The following ZNF750 variants were observed in gnomAD, a reference collection of about 807,000 sequenced individuals.
ZNF750 encodes the protein protein ZNF750.
A neutral mutation model predicts 31.6 loss-of-function variants in ZNF750; 10 were observed. The ratio of observed to expected loss-of-function variants is 0.32; its 90% confidence interval spans 0.19 to 0.54. The LOEUF (loss-of-function observed/expected upper bound fraction) is 0.54, where lower values mean the gene tolerates loss of function less well. Ranked by LOEUF, ZNF750 falls within the 20% of genes least tolerant of loss-of-function variation. The probability of loss-of-function intolerance (pLI) is 0.95; values close to 1 mark genes in which losing one functional copy is unlikely to be tolerated. For missense variants in ZNF750, 914 were observed against 934.9 expected, an observed-to-expected ratio of 0.98 and a Z score of 0.29; for synonymous variants, 400 against 404.9, an observed-to-expected ratio of 0.99 and a Z score of 0.15.
At position 82,831,859 on chromosome 17, in the gene ZNF750, G is replaced by A; in HGVS notation, c.596C>T (p.Ala199Val). The A allele has an allele frequency of 1.9e-6, 3 of 1,614,206 alleles. No homozygotes were observed. The highest frequency in any genetic ancestry group is 2.5e-6 in the Non-Finnish European group (3 of 1,180,024). The stretch of plus-strand genomic sequence containing the variant: ...CCAGGGGTAGCCAGGAGTGTGGAAG[G>A]CCGACTTGGTGTGGAAAGACACGGC... ...AKAVSFHTKS[A>V]FHTPGYPWKA... is the part of the protein sequence containing the mutation. The change falls in exon 2 of 3, where the codon GCC (alanine) becomes GTC (valine). Residue 199 changes from alanine (A) to valine (V), a missense_variant. Ala to Val is a moderately conservative substitution (Grantham distance 64, BLOSUM62 0). Coordinates refer to ENST00000269394, the MANE Select transcript of ZNF750 (RefSeq NM_024702.3). The surrounding 1 kb of genome is among the most constrained non-coding windows in gnomAD (Gnocchi z 4.6).
chr17:82,831,992 C>T lies in ZNF750; in HGVS notation c.463G>A (p.Gly155Ser). 6.2e-7 allele frequency: 1 copy of T among 1,612,968 alleles called. No individual in the cohort carries two copies. The highest frequency in any genetic ancestry group is 8.5e-7 in the Non-Finnish European group (1 of 1,179,082). The change falls in exon 2 of 3, where the codon GGC (glycine) becomes AGC (serine). Residue 155 changes from glycine (G) to serine (S), a missense_variant. By Grantham distance (56) the Gly-to-Ser change is moderately conservative (BLOSUM62 0). This residue lies in a region of ZNF750 where 880 missense variants were observed against 868.9 expected (regional missense o/e 1.01). Coordinates refer to ENST00000269394, the MANE Select transcript of ZNF750 (RefSeq NM_024702.3). The surrounding 1 kb of genome is among the most constrained non-coding windows in gnomAD (Gnocchi z 4.6). The part of the protein sequence containing the change: ...AALGAQPALE[G>S]AARPSAFVPV... ...ACAAATGCAGAAGGCCGAGCTGCGC[C>T]TTCCAGAGCAGGCTGGGCACCGAGG...
Position 82,831,488 on chromosome 17 carries a change from T to C in ZNF750, c.967A>G (p.Arg323Gly). ...TAGGAGGAAAATGCAGACTCTGGCC[T>C]GTAAAATCCGTAAGGAATCGGCAGG... ...SNLPIPYGFY[R>G]PESAFSSYGL... Residue 323 changes from arginine to glycine, a missense_variant, in exon 2 of 3, where the codon AGG (arginine) becomes GGG (glycine). Coordinates refer to ENST00000269394, the MANE Select transcript of ZNF750 (RefSeq NM_024702.3). This position sits in a 1 kb window ranked among gnomAD's most constrained non-coding sequence, Gnocchi z 4.6. 1 of 1,614,150 alleles carries C rather than the reference T, an allele frequency of 6.2e-7. No individual in the cohort carries two copies. Among genetic ancestry groups the C allele is most frequent in the Non-Finnish European group, 8.5e-7 (1 of 1,180,040 alleles).
intron 2 of ZNF750, 47 bp downstream of exon 2, chr17:82,830,972 C>G: frequency 6.2e-7 from 1 of 1,613,488 alleles, no homozygotes; most frequent in African/African-American, 1.3e-5. Context: ...TCATGGAACC[C>G]AACCAGAAAC....
At chr17:82,838,929 T>C (rs1442189312) in intron 1 of ZNF750, 1 of 985,260 alleles carries the variant, frequency 1.0e-6, no homozygotes, top group Non-Finnish European at 1.2e-6. Context: ...CAGTGAAAAT[T>C]AGGGGCACAG....
Position 82,832,360 on chromosome 17 carries a change from A to T in ZNF750, c.95T>A (p.Phe32Tyr). 1 of 1,614,256 alleles carries T rather than the reference A, an allele frequency of 6.2e-7. No homozygotes were observed. The highest frequency in any genetic ancestry group is 8.5e-7 in the Non-Finnish European group (1 of 1,180,046). ...AAGATGTGACTTCTCATTGCAAGTA[A>T]AGGGACATTGGAAACATTTATACTT... ...PFKYKCFQCP[F>Y]TCNEKSHLFN... The change falls in exon 2 of 3, where the codon TTT (phenylalanine) becomes TAT (tyrosine). Residue 32 changes from phenylalanine to tyrosine, a missense_variant. By Grantham distance (22) the Phe-to-Tyr change is conservative. Coordinates refer to ENST00000269394, the MANE Select transcript of ZNF750 (RefSeq NM_024702.3). The surrounding 1 kb of genome is among the most constrained non-coding windows in gnomAD (Gnocchi z 4.9).
chr17:82,836,705 A>C (rs758876408), intron 1 of ZNF750, among the ~76,000 whole-genome samples: 1 of 148,546 alleles, frequency 6.7e-6, no homozygotes, highest in Non-Finnish European at 1.5e-5. Flanking sequence ...AAAACAAAAC[A>C]AAACAAAACC....
intron 1 of ZNF750, among the ~76,000 whole-genome samples, 196 bp downstream of exon 1, chr17:82,839,731 G>A (rs939849678): frequency 6.6e-6 from 1 of 152,224 alleles, no homozygotes; most frequent in Non-Finnish European, 1.5e-5. Flanking sequence ...AGAATAAAGT[G>A]TCAGCCTCAT....
Position 82,832,036 on chromosome 17 carries a change from C to A in ZNF750, c.419G>T (p.Ser140Ile). Residue 140 changes from serine to isoleucine, a missense_variant, in exon 2 of 3, where the codon AGC becomes ATC. Coordinates refer to ENST00000269394, the MANE Select transcript of ZNF750 (RefSeq NM_024702.3). This position sits in a 1 kb window ranked among gnomAD's most constrained non-coding sequence, Gnocchi z 4.9. ...ACCGAGGGCGGCTTCCGGAGCTGGG[C>A]TCTTGCAGGGTGATGCCCTGTGGAG... ...PALHRASPCK[S>I]PAPEAALGAQ... 1.2e-6 allele frequency: 2 copies of A among 1,612,908 alleles called. No individual in the cohort carries two copies. The highest frequency in any genetic ancestry group is 2.2e-5 in the East Asian group (1 of 44,858).
chr17:82,836,748 C>G (rs1227851491), intron 1 of ZNF750, among the ~76,000 whole-genome samples: 1 of 151,976 alleles, frequency 6.6e-6, no homozygotes, highest in African/African-American at 2.4e-5. Context: ...CCCACAAAAC[C>G]CGTGTTGGTT....
In ZNF750 at chr17:82,832,078, A is replaced by G; in HGVS notation, c.377T>C (p.Leu126Pro). 1.4e-5 allele frequency: 22 copies of G among 1,614,070 alleles called. No individual in the cohort carries two copies. Among genetic ancestry groups the G allele is most frequent in the Non-Finnish European group, 1.9e-5 (22 of 1,179,938 alleles). The part of the protein sequence containing the change: ...ELQARGTHRC[L>P]GQKPALHRAS... The stretch of plus-strand genomic sequence containing the variant: ...CCTGTGGAGGGCTGGCTTCTGTCCC[A>G]GGCACCTGTGGGTTCCCCGGGCTTG... Residue 126 changes from leucine to proline, a missense_variant, in exon 2 of 3, where the codon CTG becomes CCG. This residue lies in a region of ZNF750 where 880 missense variants were observed against 868.9 expected (regional missense o/e 1.01). Coordinates refer to ENST00000269394, the MANE Select transcript of ZNF750 (RefSeq NM_024702.3). This position sits in a 1 kb window ranked among gnomAD's most constrained non-coding sequence, Gnocchi z 4.9.
rs372531501 is a variant in ZNF750 at position 82,830,841 on chromosome 17, G to A, written c.1473C>T (p.Thr491=). 1.2e-6 allele frequency: 2 copies of A among 1,612,970 alleles called. No homozygotes were observed. The highest frequency in any genetic ancestry group is 1.3e-5 in the African/African-American group (1 of 74,884). The change falls in exon 3 of 3, where the codon ACC becomes ACT. Residue 491 remains threonine, a synonymous_variant. Transcript: ENST00000269394. ...NVVNGDPPAP[T]GSASLVSEAA... Reference sequence around the variant, plus strand: ...CCTCCGAGACGAGAGAGGCGCTTCCGGTCGGAGCAGGAGGGTCTCCGTTCA... The same window carrying A: ...CCTCCGAGACGAGAGAGGCGCTTCCAGTCGGAGCAGGAGGGTCTCCGTTCA...
Position 82,830,805 on chromosome 17 carries a change from G to C in ZNF750, c.1509C>G (p.Ser503=), listed in dbSNP as rs113712631. The C allele has an allele frequency of 6.2e-7, 1 of 1,613,546 alleles. No individual in the cohort carries two copies. The highest frequency in any genetic ancestry group is 1.3e-5 in the African/African-American group (1 of 75,066). ...CCATCCCGGAGCTGTCGTCCGGACT[G>C]GAAGGCGCGGCCTCCGAGACGAGAG... ...SASLVSEAAP[S]SPDDSSGMGP... is the part of the protein sequence containing the mutation. Residue 503 remains serine (S), a synonymous_variant, in exon 3 of 3, where the codon TCC becomes TCG. Transcript: ENST00000269394.
rs1555608221 is a variant in ZNF750 at position 82,833,948 on chromosome 17, G to GC, written c.-182-1313_-182-1312insG. Among the ~76,000 whole-genome samples the GC allele has an allele frequency of 1.3e-5, 2 of 148,262 alleles. No individual in the cohort carries two copies. Among genetic ancestry groups the GC allele is most frequent in the Non-Finnish European group, 3.0e-5 (2 of 66,994 alleles). The stretch of plus-strand genomic sequence containing the variant: ...ACGCCCAAGGCTGAGAACAAAGGCT[G>GC]TTTTTCTTTTTTTGAGACAGAGTTT... On this transcript the variant is annotated intron_variant, in intron 1 of 2. Transcript: ENST00000269394. The surrounding 1 kb of genome is among the most constrained non-coding windows in gnomAD (Gnocchi z 4.7).
rs148795232 is a variant in ZNF750, at chr17:82,835,270, G to A, written c.-182-2634C>T. ...GAGGCAGCTGTCCCTGAAGCAAGGC[G>A]CCACCCCTCCTCCCTGCACCCGTGT... On this transcript the variant is annotated intron_variant, in intron 1 of 2. Transcript: ENST00000269394. This position sits in a 1 kb window ranked among gnomAD's most constrained non-coding sequence, Gnocchi z 4.5. Among the ~76,000 whole-genome samples, 16 of 152,244 alleles carry A rather than the reference G, an allele frequency of 1.1e-4. No individual in the cohort carries two copies. In the East Asian group the frequency reaches 3.1e-3, roughly 29 times the overall value.
Position 82,830,770 on chromosome 17 carries a change from T to C in ZNF750, c.1544A>G (p.Asn515Ser). 6.2e-7 allele frequency: 1 copy of C among 1,612,368 alleles called. No individual in the cohort carries two copies. The highest frequency in any genetic ancestry group is 8.5e-7 in the Non-Finnish European group (1 of 1,179,604). Residue 515 changes from asparagine (N) to serine (S), a missense_variant, in exon 3 of 3, where the codon AAC (asparagine) becomes AGC (serine). Coordinates refer to ENST00000269394, the MANE Select transcript of ZNF750 (RefSeq NM_024702.3). ...PDDSSGMGPL[N>S]LSKKSEINLA... is the part of the protein sequence containing the mutation. ...GTTTATCTCTGATTTCTTGGAGAGG[T>C]TGAGGGGGCCCATCCCGGAGCTGTC...
chr17:82,831,026 G>C lies in ZNF750; in HGVS notation c.1429C>G (p.Pro477Ala). 1 of 1,614,166 alleles carries C rather than the reference G, an allele frequency of 6.2e-7. No homozygotes were observed. The highest frequency in any genetic ancestry group is 1.1e-5 in the South Asian group (1 of 91,084). Residue 477 changes from proline (P) to alanine (A), a missense_variant, in exon 2 of 3, where the codon CCA (proline) becomes GCA (alanine). Pro to Ala is a conservative substitution (Grantham distance 27). This residue lies in a region of ZNF750 where 880 missense variants were observed against 868.9 expected (regional missense o/e 1.01). Transcript: ENST00000269394. The surrounding 1 kb of genome is among the most constrained non-coding windows in gnomAD (Gnocchi z 4.6). ...AAAATGACATTTTCTTACCTTACTG[G>C]AGACTCTGCTGTGGTCTCAGCAGCC... ...AQAAETTAESPVSLNVVNGDP... is the reference protein window; with the variant it reads ...AQAAETTAESAVSLNVVNGDP...
Position 82,831,289 on chromosome 17 carries a change from TTGGAGGAGTC to T in ZNF750, c.1156_1165del (p.Asp386ArgfsTer12), listed in dbSNP as rs1362306535. On this transcript the variant is annotated frameshift_variant, in exon 2 of 3. Coordinates refer to ENST00000269394, the MANE Select transcript of ZNF750 (RefSeq NM_024702.3). LOFTEE classifies it high-confidence loss of function. The surrounding 1 kb of genome is among the most constrained non-coding windows in gnomAD (Gnocchi z 4.6). ...CCCTTCCGTGTCTCTCTGCCCAGCC[TTGGAGGAGTC>T]TTTAGCCTCAGGAATTGGACTTTCG... 3.1e-6 allele frequency: 5 copies of T among 1,613,810 alleles called. No homozygotes were observed.
In ZNF750 at chr17:82,829,974, T is replaced by C. The variant is rs998931032; in HGVS notation, c.*168A>G. On this transcript the variant is annotated 3_prime_UTR_variant, in exon 3 of 3. Transcript: ENST00000269394. ...TTTTAATATTCATGCTTAATATTTA[T>C]AAAAACTGAATTGGAGGGTTTTTTG... 1.7e-6 allele frequency: 2 copies of C among 1,163,990 alleles called. No individual in the cohort carries two copies. Among genetic ancestry groups the C allele is most frequent in the Admixed American group, 5.2e-5 (2 of 38,196 alleles). 72.1% of individuals were successfully genotyped at this position (1,163,990 alleles called of 1,614,324 possible).
At chr17:82,839,484 T>C (rs775754976) in intron 1 of ZNF750, among the ~76,000 whole-genome samples, 3 of 152,040 alleles carry the variant, frequency 2.0e-5, no homozygotes, top group Admixed American at 6.5e-5. Context: ...ACCACACATA[T>C]ATATAACCCT....
Sources: allele counts gnomAD v4.1 joint callset (sites outside exome capture counted in the v4.1 genomes callset), GRCh38; gene constraint gnomAD v4.1.1; regional missense constraint gnomAD v4.1.1; non-coding constraint Gnocchi (gnomAD v3.1); transcripts MANE v1.5; gene names NCBI Gene and HGNC (gene_info 2026-07-23, HGNC 2026-07-21).